Variants in TBC1D21 observed in about 807,000 individuals in gnomAD.
TBC1D21 encodes the protein male germ cell Rab GTPase-activating protein.
Under a neutral mutation model 46.0 loss-of-function variants are expected in TBC1D21, and 38 were observed. The ratio of observed to expected loss-of-function variants is 0.83; its 90% CI spans 0.64 to 1.08. The LOEUF is 1.08. Among genes scored for constraint, TBC1D21 ranks in the 50% least tolerant of loss-of-function variants. The pLI, the probability that TBC1D21 is intolerant of heterozygous loss-of-function variation, is 0.00. For missense variants in TBC1D21, 415 were observed against 417.9 expected (o/e 0.99, Z 0.06); for synonymous variants, 151 against 157.2 (o/e 0.96, Z 0.29).
chr15:73,896,974 C>G, the TBC1D21 span, among the ~76,000 whole-genome samples: 1 of 152,172 alleles, frequency 6.6e-6, no homozygotes, highest in Non-Finnish European at 1.5e-5. Context: ...AGAAATAGCC[C>G]ATGATAACTG....
In TBC1D21 at chr15:73,887,193, G is replaced by A. The variant is rs535123127; in HGVS notation, c.778-427G>A. Among the ~76,000 whole-genome samples the A allele has an allele frequency of 2.0e-5, 3 of 152,256 alleles. No individual in the cohort carries two copies. In the South Asian group the frequency reaches 6.2e-4, roughly 32 times the overall value. On this transcript the variant is annotated intron_variant, in intron 8 of 10. Transcript: ENST00000300504. ...GGGCCCCACAGATCTATTCCCACCTGCCTCTTGGCTGGCTGGTCTCCATGC... is the reference window on the plus strand; with the variant it reads ...GGGCCCCACAGATCTATTCCCACCTACCTCTTGGCTGGCTGGTCTCCATGC...
chr15:73,905,785 C>T, the TBC1D21 span, among the ~76,000 whole-genome samples: 18,505 of 152,254 alleles, frequency 0.12, 1,464 homozygotes, highest in Non-Finnish European at 0.17. Context: ...CAGGGCCCAG[C>T]TGGGAGCCTC....
intron 5 of TBC1D21, 25 bp from the exon 6 acceptor site, chr15:73,884,978 C>CG: frequency 1.9e-6 from 3 of 1,597,092 alleles, no homozygotes; most frequent in Non-Finnish European, 2.6e-6. Context: ...CCAGCCCCTC[C>CG]TCCCCAACCC....
chr15:73,892,331 C>A (rs1375898368), downstream of TBC1D21, among the ~76,000 whole-genome samples: 4 of 152,204 alleles, frequency 2.6e-5, no homozygotes, highest in African/African-American at 4.8e-5. Context: ...AGCTATAACA[C>A]AAAGAGGGCT....
At chr15:73,888,343 G>A (rs1045441045) in intron 9 of TBC1D21, 87 bp from the exon 10 acceptor site, 41 of 1,112,030 alleles carry the variant, frequency 3.7e-5, no homozygotes, top group Non-Finnish European at 4.9e-5. Flanking sequence ...TTCTTCCCTG[G>A]GTGCTGCAGG....
intron 4 of TBC1D21, 132 bp downstream of exon 4, chr15:73,884,377 G>T: frequency 1.2e-6 from 1 of 845,258 alleles, no homozygotes; most frequent in Non-Finnish European, 2.0e-6. Flanking sequence ...CTGGAGTTTC[G>T]CCAGCTGAAC....
Position 73,881,393 on chromosome 15 carries a change from T to C in TBC1D21, c.61-6T>C. On this transcript the variant is annotated splice_region_variant and splice_polypyrimidine_tract_variant and intron_variant, in intron 1 of 10. Transcript: ENST00000300504. ...ATAAGGCAGAACTGGTTGCTGCTTT[T>C]GCCAGGTGAAGAGAAAACCACCCAT... 1 of 1,613,204 alleles carries C rather than the reference T, an allele frequency of 6.2e-7. No individual in the cohort carries two copies. The highest frequency in any genetic ancestry group is 8.5e-7 in the Non-Finnish European group (1 of 1,179,240).
downstream of TBC1D21, among the ~76,000 whole-genome samples, chr15:73,891,654 C>T (rs554912483): frequency 3.2e-4 from 48 of 152,336 alleles, no homozygotes; most frequent in African/African-American, 1.1e-3. Flanking sequence ...CACTGCCTGG[C>T]CTCTCCCCAC....
At chr15:73,879,706 A>G (rs1434216015) in intron 1 of TBC1D21, among the ~76,000 whole-genome samples, 1 of 152,192 alleles carries the variant, frequency 6.6e-6, no homozygotes, top group African/African-American at 2.4e-5. Flanking sequence ...ATTCAGATGT[A>G]TACTAATGGG....
At chr15:73,875,285 G>A (rs1414269514) in intron 1 of TBC1D21, among the ~76,000 whole-genome samples, 1 of 132,416 alleles carries the variant, frequency 7.6e-6, no homozygotes, top group Non-Finnish European at 1.6e-5. Flanking sequence ...AAGAAAGAAG[G>A]AAGGAAGGAG....
intron 8 of TBC1D21, among the ~76,000 whole-genome samples, chr15:73,887,281 C>A (rs1482328541): frequency 6.6e-6 from 1 of 152,180 alleles, no homozygotes; most frequent in African/African-American, 2.4e-5. Context: ...TCCCATCAAC[C>A]CTTGCTTGCC....
At position 73,888,603 on chromosome 15, in the gene TBC1D21, C is replaced by CT. The variant is rs2068299772; in HGVS notation, c.978+91dup. Reference sequence around the variant, plus strand: ...CCTCTTCCTCCTCCTCCTCCTCCTCCTCTTCTTCCTCCTCCTCCTCTTCTT... The same window carrying CT: ...CCTCTTCCTCCTCCTCCTCCTCCTCCTTCTTCTTCCTCCTCCTCCTCTTCTT... On this transcript the variant is annotated intron_variant, in intron 10 of 10. Coordinates refer to ENST00000300504, the MANE Select transcript of TBC1D21 (RefSeq NM_153356.3). 5.5e-6 allele frequency: 4 copies of CT among 726,492 alleles called. No individual in the cohort carries two copies. In the African/African-American group the frequency reaches 7.9e-5, roughly 14 times the overall value. 45.0% of individuals were successfully genotyped at this position (726,492 alleles called of 1,614,324 possible).
chr15:73,896,183 T>C, the TBC1D21 span, among the ~76,000 whole-genome samples: 1 of 68,024 alleles, frequency 1.5e-5, no homozygotes, highest in Non-Finnish European at 4.2e-5. Context: ...GTACTGGTAG[T>C]GGCAGCAGTG....
Position 73,885,111 on chromosome 15 carries a change from C to T in TBC1D21, c.579+8C>T, listed in dbSNP as rs1202419279. On this transcript the variant is annotated splice_region_variant and intron_variant, in intron 6 of 10. Transcript: ENST00000300504. ...TTCTTCCTGCAGAAAACGGTGAGGG[C>T]AAGGCCTGAGCTCAGGGACGCCCCT... The T allele has an allele frequency of 6.2e-7, 1 of 1,610,416 alleles. No individual in the cohort carries two copies. The highest frequency in any genetic ancestry group is 1.7e-5 in the Admixed American group (1 of 60,026).
At chr15:73,905,355 C>T in the TBC1D21 span, among the ~76,000 whole-genome samples, 342 of 152,232 alleles carry the variant, frequency 2.2e-3, 1 homozygote, top group African/African-American at 7.7e-3. Flanking sequence ...TTCTGAAATT[C>T]CCTCATAATG....
At position 73,878,252 on chromosome 15, in the gene TBC1D21, C is replaced by T. The variant is rs144411088; in HGVS notation, c.61-3147C>T. On this transcript the variant is annotated intron_variant, in intron 1 of 10. Coordinates refer to ENST00000300504, the MANE Select transcript of TBC1D21 (RefSeq NM_153356.3). ...TGTTGCAACTACTCAACTCTGCCAT[C>T]ATAGCATGAAAACAGCCACAGACAA... 1.8e-3 allele frequency among the ~76,000 whole-genome samples: 273 copies of T among 152,288 alleles called. 2 individuals carry two copies. The highest frequency in any genetic ancestry group is 6.5e-3 in the African/African-American group (269 of 41,556).
the TBC1D21 span, among the ~76,000 whole-genome samples, chr15:73,906,401 G>A: frequency 6.6e-6 from 1 of 152,188 alleles, no homozygotes. Context: ...CACCCAAATT[G>A]TCAGTATACT....
At chr15:73,891,561 C>T (rs1246919349), downstream of TBC1D21, among the ~76,000 whole-genome samples, 1 of 152,210 alleles carries the variant, frequency 6.6e-6, no homozygotes, top group Non-Finnish European at 1.5e-5. Context: ...GCCACCCTGC[C>T]ATGGCTGTGG....
the TBC1D21 span, among the ~76,000 whole-genome samples, chr15:73,909,178 C>T: frequency 3.3e-5 from 5 of 152,288 alleles, no homozygotes; most frequent in South Asian, 4.1e-4. Context: ...TCGAGACCAG[C>T]GTGGACAACA....
Sources: gnomAD v4.1 joint callset for allele counts (sites outside exome capture counted in the v4.1 genomes callset) on GRCh38, gnomAD v4.1.1 for gene constraint, MANE v1.5 for transcripts, NCBI Gene and HGNC (gene_info 2026-07-23, HGNC 2026-07-21) for gene names.